NEK11: variants seen among roughly 807,000 people sequenced by gnomAD.
NEK11 encodes serine/threonine-protein kinase Nek11.
A neutral mutation model predicts 80.7 loss-of-function variants in NEK11; 72 were observed. The observed-to-expected ratio is 0.89, with a 90% confidence interval of 0.74 to 1.08. The LOEUF (loss-of-function observed/expected upper bound fraction) is 1.08. NEK11 is among the 50% of genes least tolerant of loss of function. The probability of loss-of-function intolerance (pLI) is 0.00; values close to 1 mark genes in which losing one functional copy is unlikely to be tolerated. For missense variants in NEK11, 764 were observed against 763.6 expected (o/e 1.00, Z -0.01); for synonymous variants, 251 against 260.7 (o/e 0.96, Z 0.36).
At chr3:131,168,120 T>C (rs1433811746) in intron 12 of NEK11, among the ~76,000 whole-genome samples, 2 of 152,200 alleles carry the variant, frequency 1.3e-5, no homozygotes, top group Admixed American at 1.3e-4. Context: ...ACATCAGTCA[T>C]TTCCCTCTGG....
At chr3:131,034,275 T>C (rs6790130) in intron 3 of NEK11, among the ~76,000 whole-genome samples, 26,647 of 152,284 alleles carry the variant, frequency 0.17, 2,433 homozygotes, top group Non-Finnish European at 0.21. Flanking sequence ...CTTATCAGCA[T>C]AGAATGTTGG....
intron 14 of NEK11, among the ~76,000 whole-genome samples, chr3:131,223,799 A>T (rs1177916696): frequency 6.6e-6 from 1 of 152,202 alleles, no homozygotes; most frequent in African/African-American, 2.4e-5. Flanking sequence ...GGAGGTGAAC[A>T]GTGTGGTGAA....
chr3:131,346,169 TTAAA>T (rs1370674045), intron 17 of NEK11, among the ~76,000 whole-genome samples: 1 of 152,162 alleles, frequency 6.6e-6, no homozygotes, highest in Non-Finnish European at 1.5e-5. Flanking sequence ...GGAATTTTTG[TTAAA>T]TAAGTAGATT....
At chr3:131,166,013 C>T (rs188505824) in intron 12 of NEK11, among the ~76,000 whole-genome samples, 1 of 152,266 alleles carries the variant, frequency 6.6e-6, no homozygotes, top group African/African-American at 2.4e-5. Flanking sequence ...GTTGCAGATT[C>T]ACATGAAATG....
At chr3:131,217,600 TAA>T (rs2094885594) in intron 14 of NEK11, among the ~76,000 whole-genome samples, 1 of 152,172 alleles carries the variant, frequency 6.6e-6, no homozygotes, top group African/African-American at 2.4e-5. Context: ...ACATTTATGC[TAA>T]GTTTCGGGTG....
chr3:131,111,468 TTAGA>T (rs1306595000), intron 5 of NEK11, among the ~76,000 whole-genome samples: 5 of 152,098 alleles, frequency 3.3e-5, no homozygotes, highest in Non-Finnish European at 7.4e-5. Flanking sequence ...CATTCCTTCA[TTAGA>T]TAGTGATAAA....
chr3:131,200,292 C>T (rs144002260), intron 14 of NEK11, among the ~76,000 whole-genome samples: 1 of 152,268 alleles, frequency 6.6e-6, no homozygotes, highest in East Asian at 1.9e-4. Flanking sequence ...GATACCACTA[C>T]GTACCACTCA....
intron 17 of NEK11, chr3:131,327,688 G>T (rs1214709658): frequency 6.7e-6 from 1 of 148,976 alleles, no homozygotes; most frequent in Non-Finnish European, 1.5e-5. Context: ...GGCTTCCTCT[G>T]CATTTGAGTC....
At chr3:131,051,055 AT>A (rs2068311237) in intron 3 of NEK11, among the ~76,000 whole-genome samples, 1 of 152,226 alleles carries the variant, frequency 6.6e-6, no homozygotes, top group African/African-American at 2.4e-5. Context: ...GTATAACCAA[AT>A]GAAGCCTACT....
At chr3:131,295,058 C>A (rs966977233) in intron 17 of NEK11, among the ~76,000 whole-genome samples, 1 of 152,054 alleles carries the variant, frequency 6.6e-6, no homozygotes, top group Non-Finnish European at 1.5e-5. Context: ...TTAATTGGTA[C>A]ATTTAGATCA....
intron 17 of NEK11, among the ~76,000 whole-genome samples, chr3:131,332,084 TC>T (rs1202986899): frequency 2.0e-5 from 3 of 152,158 alleles, no homozygotes; most frequent in Non-Finnish European, 4.4e-5. Context: ...GAATTAAACG[TC>T]CCGGTCTGAC....
intron 7 of NEK11, among the ~76,000 whole-genome samples, chr3:131,145,748 A>G (rs1310744594): frequency 6.6e-6 from 1 of 152,096 alleles, no homozygotes; most frequent in Non-Finnish European, 1.5e-5. Flanking sequence ...CTGGGCTACA[A>G]TCCCAGCTTT....
chr3:131,152,833 A>T, intron 9 of NEK11, 124 bp downstream of exon 9: 1 of 725,802 alleles, frequency 1.4e-6, no homozygotes, highest in East Asian at 2.7e-5. Flanking sequence ...GAAAAAGGCC[A>T]AAAAGAAGCT....
chr3:131,318,911 T>C (rs1253993928), intron 17 of NEK11, among the ~76,000 whole-genome samples: 1 of 151,942 alleles, frequency 6.6e-6, no homozygotes, highest in Non-Finnish European at 1.5e-5. Flanking sequence ...AATATCATTT[T>C]TTATTTTTGA....
chr3:131,195,820 A>ATATATATATATATATG (rs1553929089), intron 14 of NEK11, among the ~76,000 whole-genome samples: 7 of 143,502 alleles, frequency 4.9e-5, no homozygotes, highest in African/African-American at 1.8e-4. Context: ...ATATATATAT[A>ATATATATATATATATG]AAATTGAAGA....
intron 3 of NEK11, among the ~76,000 whole-genome samples, chr3:131,051,247 G>C (rs992723223): frequency 6.6e-6 from 1 of 152,170 alleles, no homozygotes; most frequent in Non-Finnish European, 1.5e-5. Context: ...CCAACCAGTT[G>C]GCTTTCCGTT....
chr3:131,170,815 C>T lies in NEK11; in HGVS notation c.1327C>T (p.Pro443Ser). 1 of 1,614,094 alleles carries T rather than the reference C, an allele frequency of 6.2e-7. No homozygotes were observed. Among genetic ancestry groups the T allele is most frequent in the Non-Finnish European group, 8.5e-7 (1 of 1,179,972 alleles). Residue 443 changes from proline (P) to serine (S), a missense_variant, in exon 14 of 18, where the codon CCT becomes TCT. Transcript: ENST00000383366. ...PTLENLPESQPIPSMDLHELE... is the reference protein window; with the variant it reads ...PTLENLPESQSIPSMDLHELE... The stretch of plus-strand genomic sequence containing the variant: ...TTTAGAGAACCTGCCTGAGTCTCAG[C>T]CTATTCCTTCCATGGACCTCCACGA...
chr3:131,248,368 T>G (rs1199584100), intron 16 of NEK11, among the ~76,000 whole-genome samples: 1 of 152,114 alleles, frequency 6.6e-6, no homozygotes, highest in Admixed American at 6.6e-5. Context: ...CTTAAAAAAT[T>G]TATGTGGGTA....
At chr3:131,093,217 A>C (rs1038496374) in intron 4 of NEK11, among the ~76,000 whole-genome samples, 3 of 152,196 alleles carry the variant, frequency 2.0e-5, no homozygotes, top group Non-Finnish European at 2.9e-5. Flanking sequence ...TTATTGAATC[A>C]TTGTATGGTA....
Sources: allele counts gnomAD v4.1 joint callset (sites outside exome capture counted in the v4.1 genomes callset), GRCh38; gene constraint gnomAD v4.1.1; transcripts MANE v1.5; gene names NCBI Gene and HGNC (gene_info 2026-07-23, HGNC 2026-07-21).